The following PRKCA variants were observed in gnomAD, a reference collection of about 807,000 sequenced individuals.
PRKCA encodes protein kinase C alpha, also known as protein kinase C alpha type.
A neutral mutation model predicts 87.0 loss-of-function variants in PRKCA; 27 were observed. That is an observed-to-expected ratio of 0.31 (90% CI 0.23 to 0.43). The LOEUF is 0.43. PRKCA is among the 20% of genes least tolerant of loss of function. PRKCA has a pLI of 1.00. For missense variants in PRKCA, 518 were observed against 852.3 expected, an observed-to-expected ratio of 0.61 and a Z score of 4.88; for synonymous variants, 329 against 311.1, an observed-to-expected ratio of 1.06 and a Z score of -0.61.
intron 2 of PRKCA, among the ~76,000 whole-genome samples, chr17:66,392,378 C>T (rs1320482152): frequency 2.6e-5 from 4 of 152,110 alleles, no homozygotes; most frequent in Non-Finnish European, 5.9e-5. Context: ...TGCATAGATA[C>T]CGGTTTACAG....
chr17:66,737,327 C>T (rs888375174), intron 10 of PRKCA, among the ~76,000 whole-genome samples: 1 of 152,106 alleles, frequency 6.6e-6, no homozygotes, highest in Non-Finnish European at 1.5e-5. Context: ...GGCGCCACTG[C>T]ACTCCAGCCT....
intron 2 of PRKCA, among the ~76,000 whole-genome samples, chr17:66,440,119 A>C (rs1010536291): frequency 6.6e-6 from 1 of 152,242 alleles, no homozygotes; most frequent in African/African-American, 2.4e-5. Context: ...ATGAAATGCC[A>C]GAAACACCAA....
intron 16 of PRKCA, among the ~76,000 whole-genome samples, chr17:66,798,417 TGGTGGTGGTGGTGGTGAC>T (rs1568040782): frequency 1.8e-4 from 19 of 106,992 alleles, no homozygotes; most frequent in East Asian, 3.0e-4. Context: ...ATGGTGATGG[TGGTGGTGGTGGTGGTGAC>T]GGTGGTGGTG....
intron 3 of PRKCA, among the ~76,000 whole-genome samples, chr17:66,604,502 A>G (rs1358099207): frequency 6.6e-6 from 1 of 152,214 alleles, no homozygotes; most frequent in African/African-American, 2.4e-5. Flanking sequence ...CAAGTGCTGG[A>G]TGAAATTGTG....
At chr17:66,699,379 A>G (rs1471499514) in intron 8 of PRKCA, among the ~76,000 whole-genome samples, 1 of 152,214 alleles carries the variant, frequency 6.6e-6, no homozygotes, top group African/African-American at 2.4e-5. Flanking sequence ...ACATAAGATC[A>G]TAGGAGACTA....
At chr17:66,563,668 A>T (rs567424371) in intron 3 of PRKCA, among the ~76,000 whole-genome samples, 1 of 152,112 alleles carries the variant, frequency 6.6e-6, no homozygotes, top group African/African-American at 2.4e-5. Context: ...AAAATATCTC[A>T]TTCTTTTTCT....
chr17:66,393,742 G>C (rs532636645), intron 2 of PRKCA, among the ~76,000 whole-genome samples: 7 of 152,094 alleles, frequency 4.6e-5, no homozygotes, highest in Non-Finnish European at 1.0e-4. Context: ...AGGCCTGAGT[G>C]CAGCGCCCTC....
At chr17:66,506,964 G>A (rs1021925397) in intron 3 of PRKCA, among the ~76,000 whole-genome samples, 1 of 152,174 alleles carries the variant, frequency 6.6e-6, no homozygotes, top group African/African-American at 2.4e-5. Context: ...GCAAATTCTC[G>A]GAAGCCCAGA....
At chr17:66,458,162 A>G (rs1358908729) in intron 2 of PRKCA, among the ~76,000 whole-genome samples, 2 of 152,200 alleles carry the variant, frequency 1.3e-5, no homozygotes, top group Non-Finnish European at 2.9e-5. Flanking sequence ...ACTGATTTTA[A>G]TTTTTAAAAG....
intron 2 of PRKCA, among the ~76,000 whole-genome samples, chr17:66,358,817 G>C (rs2143467688): frequency 6.6e-6 from 1 of 151,954 alleles, no homozygotes; most frequent in East Asian, 2.0e-4. Context: ...AAGGAAAAGT[G>C]TCTCCACATT....
At chr17:66,461,983 G>T (rs1914875785) in intron 2 of PRKCA, among the ~76,000 whole-genome samples, 1 of 151,908 alleles carries the variant, frequency 6.6e-6, no homozygotes. Context: ...TGTCATTGAG[G>T]TGTTTCCTGT....
chr17:66,697,573 G>A (rs910837412), intron 8 of PRKCA, among the ~76,000 whole-genome samples: 15 of 152,232 alleles, frequency 9.9e-5, no homozygotes, highest in Non-Finnish European at 4.4e-5. Flanking sequence ...TAGTAAGTAA[G>A]CACCCAGCTC....
At chr17:66,499,598 A>G (rs1205300043) in intron 3 of PRKCA, among the ~76,000 whole-genome samples, 1 of 152,180 alleles carries the variant, frequency 6.6e-6, no homozygotes, top group Non-Finnish European at 1.5e-5. Context: ...TCCTACTCAT[A>G]GGGCCTGGAG....
At chr17:66,573,109 G>T (rs901795645) in intron 3 of PRKCA, among the ~76,000 whole-genome samples, 2 of 152,100 alleles carry the variant, frequency 1.3e-5, no homozygotes, top group African/African-American at 4.8e-5. Flanking sequence ...AGAAATGCTT[G>T]GTTTGTGGGT....
intron 2 of PRKCA, among the ~76,000 whole-genome samples, chr17:66,340,380 C>CCT (rs1555585937): frequency 3.1e-4 from 39 of 127,868 alleles, no homozygotes; most frequent in East Asian, 1.5e-3. Context: ...TTTTTTTTTT[C>CCT]TTTTTTTTTT....
At chr17:66,321,199 A>C (rs772836039) in intron 2 of PRKCA, among the ~76,000 whole-genome samples, 19 of 152,122 alleles carry the variant, frequency 1.2e-4, no homozygotes, top group Non-Finnish European at 1.6e-4. Flanking sequence ...TTTCCTTCCT[A>C]TGCTAGGTTT....
chr17:66,513,383 T>C (rs1274919119), intron 3 of PRKCA, among the ~76,000 whole-genome samples: 1 of 152,190 alleles, frequency 6.6e-6, no homozygotes, highest in Non-Finnish European at 1.5e-5. Context: ...AAATAAAAGG[T>C]GTGTTCTTCT....
chr17:66,548,565 G>A (rs1282153013), intron 3 of PRKCA, among the ~76,000 whole-genome samples: 1 of 152,144 alleles, frequency 6.6e-6, no homozygotes, highest in Non-Finnish European at 1.5e-5. Flanking sequence ...CTGGTGTCCT[G>A]AGTGGTGGCC....
chr17:66,638,516 T>G (rs1408102632), intron 3 of PRKCA: 1 of 151,872 alleles, frequency 6.6e-6, no homozygotes, highest in Non-Finnish European at 1.5e-5. Flanking sequence ...ACACGAGGGG[T>G]TTACTATTCT....
Sources: gnomAD v4.1 joint callset for allele counts (sites outside exome capture counted in the v4.1 genomes callset) on GRCh38, gnomAD v4.1.1 for gene constraint, MANE v1.5 for transcripts, NCBI Gene and HGNC (gene_info 2026-07-23, HGNC 2026-07-21) for gene names.